The following ZNF419 variants were observed in gnomAD, a reference collection of about 807,000 sequenced individuals.
The protein encoded by ZNF419 is zinc finger protein 419.
In ZNF419, 8 loss-of-function variants were observed where a neutral mutation model predicts 14.9. That is an observed-to-expected ratio of 0.54 (90% CI 0.32 to 0.97). ZNF419 has a LOEUF of 0.97. Ranked by LOEUF, ZNF419 falls within the 50% of genes least tolerant of loss-of-function variation. The pLI is 0.04. For synonymous variants in ZNF419, 211 were observed against 205.3 expected, an observed-to-expected ratio of 1.03 and a Z score of -0.24; for missense variants, 595 against 607.2, an observed-to-expected ratio of 0.98 and a Z score of 0.21.
In ZNF419 at chr19:57,487,992, C is replaced by A. The variant is rs1421503378; in HGVS notation, c.33+9C>A. The A allele has an allele frequency of 6.2e-7, 1 of 1,613,652 alleles. No individual in the cohort carries two copies. The highest frequency in any genetic ancestry group is 8.5e-7 in the Non-Finnish European group (1 of 1,179,888). ...TGAGGGACCCCGCTCAGGTGAGCGCCGCGTCCTCCTGGCCTCCCCCGAATC... is the reference window on the plus strand; with the variant it reads ...TGAGGGACCCCGCTCAGGTGAGCGCAGCGTCCTCCTGGCCTCCCCCGAATC... On this transcript the variant is annotated intron_variant, in intron 1 of 4. Coordinates refer to ENST00000221735, the MANE Select transcript of ZNF419 (RefSeq NM_024691.4).
Position 57,487,896 on chromosome 19 carries a change from GC to G in ZNF419, c.-52del. 6.2e-7 allele frequency: 1 copy of G among 1,612,628 alleles called. No homozygotes were observed. The highest frequency in any genetic ancestry group is 8.5e-7 in the Non-Finnish European group (1 of 1,179,066). ...AGGCTCGGTGGCGGCGCCCAGGGTG[GC>G]CCGGGCCCTTTCCTCGGTCATTGTC... On this transcript the variant is annotated 5_prime_UTR_variant, in exon 1 of 5. Transcript: ENST00000221735.
At position 57,492,119 on chromosome 19, in the gene ZNF419, C is replaced by G. The variant is rs751980303; in HGVS notation, c.206C>G (p.Ala69Gly). 20 of 1,611,236 alleles carry G rather than the reference C, an allele frequency of 1.2e-5. No homozygotes were observed. The highest frequency in any genetic ancestry group is 1.5e-5 in the Non-Finnish European group (18 of 1,178,602). ...NFTLLASLGL[A>G]SSKTHEITQL... ...CACCTGTCGTTTTCCTTAGGACTTG[C>G]ATCTTCCAAGACCCATGAAATAACC... Residue 69 changes from alanine (A) to glycine (G), a missense_variant, in exon 4 of 5, where the codon GCA becomes GGA. Physicochemically the swap from Ala to Gly is moderately conservative, Grantham distance 60. Coordinates refer to ENST00000221735, the MANE Select transcript of ZNF419 (RefSeq NM_024691.4).
rs2089388978 is a variant in ZNF419, at chr19:57,487,828, C to A, written c.-123C>A. On this transcript the variant is annotated 5_prime_UTR_variant, in exon 1 of 5. Transcript: ENST00000221735. ...CTGAGGCGACCAGCGCCGGAAGGCA[C>A]GGTGGCGACTCACGCTGTTCTCGCC... The A allele has an allele frequency of 7.0e-7, 1 of 1,424,500 alleles. No individual in the cohort carries two copies. The highest frequency in any genetic ancestry group is 1.2e-5 in the South Asian group (1 of 86,094). The allele number at this position is 1,424,500 out of a possible 1,614,324, so 88.2% of individuals were successfully genotyped here. A position where few individuals can be genotyped will look rare whatever the true frequency, so the allele number is the denominator to read the frequency against.
Position 57,487,814 on chromosome 19 carries a change from A to G in ZNF419, c.-137A>G, listed in dbSNP as rs8113039. Reference sequence around the variant, plus strand: ...AAGCTGGTTGTGCGCTGAGGCGACCAGCGCCGGAAGGCACGGTGGCGACTC... The same window carrying G: ...AAGCTGGTTGTGCGCTGAGGCGACCGGCGCCGGAAGGCACGGTGGCGACTC... On this transcript the variant is annotated 5_prime_UTR_variant, in exon 1 of 5. Coordinates refer to ENST00000221735, the MANE Select transcript of ZNF419 (RefSeq NM_024691.4). The G allele has an allele frequency of 0.32, 418,411 of 1,293,370 alleles. 72,923 individuals are homozygous for G. The highest frequency in any genetic ancestry group is 0.62 in the East Asian group (26,647 of 42,806). 80.1% of individuals were successfully genotyped at this position (1,293,370 alleles called of 1,614,324 possible). A position where few individuals can be genotyped will look rare whatever the true frequency, so the allele number is the denominator to read the frequency against.
At chr19:57,490,020 G>T in intron 1 of ZNF419, 127 bp from the exon 2 acceptor site, 1 of 791,556 alleles carries the variant, frequency 1.3e-6, no homozygotes, top group Non-Finnish European at 2.1e-6. Flanking sequence ...CAGGTAAGAG[G>T]CATCACTAAG....
rs2089389315 is a variant in ZNF419, at chr19:57,487,835, G to A, written c.-116G>A. On this transcript the variant is annotated 5_prime_UTR_variant, in exon 1 of 5. Transcript: ENST00000221735. ...GACCAGCGCCGGAAGGCACGGTGGCGACTCACGCTGTTCTCGCCGCTCAGA... is the reference window on the plus strand; with the variant it reads ...GACCAGCGCCGGAAGGCACGGTGGCAACTCACGCTGTTCTCGCCGCTCAGA... 1 of 1,489,496 alleles carries A rather than the reference G, an allele frequency of 6.7e-7. No homozygotes were observed. The highest frequency in any genetic ancestry group is 9.3e-7 in the Non-Finnish European group (1 of 1,071,860). 92.3% of individuals were successfully genotyped at this position (1,489,496 alleles called of 1,614,324 possible).
Position 57,487,945 on chromosome 19 carries a change from G to A in ZNF419, c.-6G>A, listed in dbSNP as rs370981223. The A allele has an allele frequency of 5.0e-6, 8 of 1,613,762 alleles. No homozygotes were observed. The highest frequency in any genetic ancestry group is 6.8e-6 in the Non-Finnish European group (8 of 1,179,920). Reference sequence around the variant, plus strand: ...GTCTCCCCTCCAGCTCTACTCACAGGCTCCGATGGCGGCGGCCGCCCTGAG... The same window carrying A: ...GTCTCCCCTCCAGCTCTACTCACAGACTCCGATGGCGGCGGCCGCCCTGAG... On this transcript the variant is annotated 5_prime_UTR_variant, in exon 1 of 5. Transcript: ENST00000221735.
intron 1 of ZNF419, chr19:57,489,358 C>T (rs1335163537): frequency 6.6e-6 from 1 of 152,044 alleles, no homozygotes; most frequent in Non-Finnish European, 1.5e-5. Flanking sequence ...GATGTAAGCA[C>T]TTCATAATTG....
rs145680611 is a variant in ZNF419 at position 57,491,556 on chromosome 19, G to T, written c.158G>T (p.Arg53Leu). ...GATGACGCTCAGAGGCTCCTCTACC[G>T]CAATGTGATGCTGGAGAACTTTACA... Reference protein sequence around the residue: ...LLDDAQRLLYRNVMLENFTLL... With the variant: ...LLDDAQRLLYLNVMLENFTLL... Residue 53 changes from arginine (R) to leucine (L), a missense_variant, in exon 3 of 5, where the codon CGC becomes CTC. By Grantham distance (102) the Arg-to-Leu change is moderately radical (BLOSUM62 -2). Transcript: ENST00000221735. The T allele has an allele frequency of 6.2e-7, 1 of 1,613,982 alleles. No homozygotes were observed. Among genetic ancestry groups the T allele is most frequent in the Admixed American group, 1.7e-5 (1 of 59,992 alleles).
At chr19:57,492,268 C>A in intron 4 of ZNF419, 57 bp downstream of exon 4, 6 of 1,559,448 alleles carry the variant, frequency 3.8e-6, no homozygotes, top group Non-Finnish European at 5.3e-6. Context: ...TCATATCATA[C>A]CAGTAGGCCC....
Position 57,492,900 on chromosome 19 carries a change from G to T in ZNF419, c.343G>T (p.Ala115Ser), listed in dbSNP as rs1207205914. Residue 115 changes from alanine (A) to serine (S), a missense_variant, in exon 5 of 5, where the codon GCT (alanine) becomes TCT (serine). By Grantham distance (99) the Ala-to-Ser change is moderately conservative (BLOSUM62 1). Transcript: ENST00000221735. ...AEAEEAPEQI[A>S]SVGLLSSNIQ... is the part of the protein sequence containing the mutation. ...GGCTGAGGAGGCTCCTGAGCAGATT[G>T]CTTCTGTAGGACTGCTCAGTTCAAA... The T allele has an allele frequency of 6.2e-7, 1 of 1,613,990 alleles. No individual in the cohort carries two copies. The highest frequency in any genetic ancestry group is 1.3e-5 in the African/African-American group (1 of 74,926).
chr19:57,491,422 T>C, intron 2 of ZNF419, 49 bp from the exon 3 acceptor site: 5 of 1,606,246 alleles, frequency 3.1e-6, no homozygotes, highest in Non-Finnish European at 4.3e-6. Flanking sequence ...ATGCCTAAAT[T>C]TCCCAGTAAG....
chr19:57,487,976 C>A lies in ZNF419; in HGVS notation c.26C>A (p.Pro9His), dbSNP rs762196703. 9.9e-6 allele frequency: 16 copies of A among 1,613,654 alleles called. No individual in the cohort carries two copies. The South Asian group carries it at 1.8e-4, about 18-fold the overall frequency. Residue 9 changes from proline to histidine, a missense_variant, in exon 1 of 5, where the codon CCC becomes CAC. Transcript: ENST00000221735. Reference sequence around the variant, plus strand: ...ATGGCGGCGGCCGCCCTGAGGGACCCCGCTCAGGTGAGCGCCGCGTCCTCC... The same window carrying A: ...ATGGCGGCGGCCGCCCTGAGGGACCACGCTCAGGTGAGCGCCGCGTCCTCC... MAAAALRD[P>H]AQVPVAADLL...
intron 4 of ZNF419, chr19:57,492,590 G>T: frequency 2.7e-6 from 2 of 750,088 alleles, no homozygotes; most frequent in Non-Finnish European, 4.9e-6. Context: ...AAAGCCATTT[G>T]CAGAGGATTG....
rs935848791 is a variant in ZNF419 at position 57,493,983 on chromosome 19, G to T, written c.1426G>T (p.Val476Phe). The T allele has an allele frequency of 1.2e-6, 2 of 1,614,062 alleles. No individual in the cohort carries two copies. Among genetic ancestry groups the T allele is most frequent in the African/African-American group, 2.7e-5 (2 of 74,898 alleles). ...TTCCAGCCTTGTTAAACATCAGAGG[G>T]TTCACACTGGAGCAAAGCCTTATGA... ...ENSSLVKHQRVHTGAKPYECR... is the reference protein window; with the variant it reads ...ENSSLVKHQRFHTGAKPYECR... The change falls in exon 5 of 5, where the codon GTT (valine) becomes TTT (phenylalanine). Residue 476 changes from valine to phenylalanine, a missense_variant. Transcript: ENST00000221735.
chr19:57,495,769 A>T lies in ZNF419; in HGVS notation c.*1679A>T. On this transcript the variant is annotated 3_prime_UTR_variant, in exon 5 of 5. Coordinates refer to ENST00000221735, the MANE Select transcript of ZNF419 (RefSeq NM_024691.4). ...AAAAAAAAAAAAAAAAAAAAAAAAAAGCCTTATGTGAGTATGCTACTGTAA... is the reference window on the plus strand; with the variant it reads ...AAAAAAAAAAAAAAAAAAAAAAAAATGCCTTATGTGAGTATGCTACTGTAA... 1 of 124,620 alleles carries T rather than the reference A, an allele frequency of 8.0e-6. No homozygotes were observed. The highest frequency in any genetic ancestry group is 9.2e-5 in the Admixed American group (1 of 10,872). The allele number at this position is 124,620 out of a possible 1,614,324, so 7.7% of individuals were successfully genotyped here. A position where few individuals can be genotyped will look rare whatever the true frequency, so the allele number is the denominator to read the frequency against.
chr19:57,489,484 C>CTTTTTTTT (rs10602834), intron 1 of ZNF419: 9 of 85,398 alleles, frequency 1.1e-4, no homozygotes, highest in Middle Eastern at 6.9e-3. Flanking sequence ...TTCTTTCTTT[C>CTTTTTTTT]TTTTTTTTTT....
intron 1 of ZNF419, 146 bp from the exon 2 acceptor site, chr19:57,490,001 G>A (rs1436184238): frequency 4.3e-5 from 29 of 670,406 alleles, no homozygotes; most frequent in Non-Finnish European, 7.6e-5. Context: ...CTTTTCCAAG[G>A]GCACACAACA....
Position 57,487,802 on chromosome 19 carries a change from G to T in ZNF419, c.-149G>T. ...CTAACCTGCGAGAAGCTGGTTGTGC[G>T]CTGAGGCGACCAGCGCCGGAAGGCA... On this transcript the variant is annotated 5_prime_UTR_variant, in exon 1 of 5. Transcript: ENST00000221735. The T allele has an allele frequency of 5.2e-6, 6 of 1,143,586 alleles. No individual in the cohort carries two copies. Among genetic ancestry groups the T allele is most frequent in the Non-Finnish European group, 6.5e-6 (5 of 773,866 alleles). The allele number at this position is 1,143,586 out of a possible 1,614,324, so 70.8% of individuals were successfully genotyped here. A position where few individuals can be genotyped will look rare whatever the true frequency, so the allele number is the denominator to read the frequency against.
Sources: allele counts gnomAD v4.1 joint callset, GRCh38; gene constraint gnomAD v4.1.1; transcripts MANE v1.5; gene names NCBI Gene and HGNC (gene_info 2026-07-23, HGNC 2026-07-21).